CES5A: variants seen among roughly 807,000 people sequenced by gnomAD.
CES5A encodes the protein carboxylesterase 5.
In CES5A, 67 loss-of-function variants were observed where a neutral mutation model predicts 62.9. The observed-to-expected ratio is 1.07, with a 90% CI of 0.88 to 1.31. The LOEUF (loss-of-function observed/expected upper bound fraction) is 1.31, where lower values mean the gene tolerates loss of function less well. Among genes scored for constraint, CES5A ranks in the 50% most tolerant of loss-of-function variants. The pLI is 0.00. For synonymous variants in CES5A, 296 were observed against 280.8 expected, an observed-to-expected ratio of 1.05 and a Z score of -0.54; for missense variants, 748 against 708.5, an observed-to-expected ratio of 1.06 and a Z score of -0.63.
chr16:55,950,179 T>C (rs1015687761), intron 1 of CES5A, among the ~76,000 whole-genome samples: 18 of 152,022 alleles, frequency 1.2e-4, no homozygotes, highest in African/African-American at 4.1e-4. Context: ...AGCACCAATG[T>C]CCAAGGCAGC....
At chr16:55,850,155 T>A (rs1172361907) in intron 10 of CES5A, among the ~76,000 whole-genome samples, 1 of 152,260 alleles carries the variant, frequency 6.6e-6, no homozygotes, top group Non-Finnish European at 1.5e-5. Flanking sequence ...ATAATTGTAC[T>A]ATGAATATTT....
chr16:55,850,273 G>A (rs748348676), intron 10 of CES5A, among the ~76,000 whole-genome samples: 7 of 152,042 alleles, frequency 4.6e-5, no homozygotes, highest in South Asian at 2.1e-4. Context: ...ATAATTCAGC[G>A]GTTTTTAGTA....
chr16:55,875,057 G>A, intron 1 of CES5A, 92 bp downstream of exon 1: 1 of 1,295,850 alleles, frequency 7.7e-7, no homozygotes, highest in Non-Finnish European at 1.1e-6. Context: ...CTGGCCCTCA[G>A]AGACCTCTGA....
intron 2 of CES5A, among the ~76,000 whole-genome samples, chr16:55,948,331 A>G (rs1232437587): frequency 6.6e-6 from 1 of 152,222 alleles, no homozygotes; most frequent in Non-Finnish European, 1.5e-5. Context: ...CACATGTTTC[A>G]TGTGAAAAGG....
intron 2 of CES5A, among the ~76,000 whole-genome samples, chr16:55,945,067 G>A (rs760337297): frequency 6.6e-6 from 1 of 152,132 alleles, no homozygotes; most frequent in Non-Finnish European, 1.5e-5. Flanking sequence ...TTAATAATAG[G>A]CTTGTTTTAT....
At chr16:55,909,953 T>A (rs1356423560) in intron 1 of CES5A, among the ~76,000 whole-genome samples, 3 of 152,216 alleles carry the variant, frequency 2.0e-5, no homozygotes, top group Non-Finnish European at 4.4e-5. Context: ...ATTGCCTGCA[T>A]GAGTGCCCAG....
upstream of CES5A, among the ~76,000 whole-genome samples, chr16:55,875,592 A>AAGAC: frequency 6.6e-6 from 1 of 152,346 alleles, no homozygotes; most frequent in Admixed American, 6.5e-5. Flanking sequence ...TGATGCCAGA[A>AAGAC]AGACACAGTG....
At chr16:55,954,678 C>T (rs183056150) in intron 1 of CES5A, among the ~76,000 whole-genome samples, 1 of 152,284 alleles carries the variant, frequency 6.6e-6, no homozygotes, top group Admixed American at 6.5e-5. Flanking sequence ...CCTCAGCCAG[C>T]CACAGTCCTG....
At chr16:55,923,043 T>C (rs1231114554) in intron 1 of CES5A, among the ~76,000 whole-genome samples, 2 of 151,394 alleles carry the variant, frequency 1.3e-5, no homozygotes, top group African/African-American at 4.8e-5. Context: ...AAAGTAGTAA[T>C]AAGAGAGGAG....
Position 55,869,678 on chromosome 16 carries a change from G to A in CES5A, c.484C>T (p.Leu162=), listed in dbSNP as rs753366410. The stretch of plus-strand genomic sequence containing the variant: ...ACCAGCACGTCCTCATAGGCAGCCA[G>A]GGCGGACCCATCAAAGATGGAGGCT... The part of the protein sequence containing the change: ...GSASIFDGSA[L]AAYEDVLVVV... The change falls in exon 4 of 13, where the codon CTG becomes TTG. Residue 162 remains leucine, a synonymous_variant. Coordinates refer to ENST00000290567, the MANE Select transcript of CES5A (RefSeq NM_001143685.2). 16 of 1,610,792 alleles carry A rather than the reference G, an allele frequency of 9.9e-6. No homozygotes were observed. The highest frequency in any genetic ancestry group is 1.4e-5 in the Non-Finnish European group (16 of 1,177,450).
At position 55,902,102 on chromosome 16, in the gene CES5A, G is replaced by A. The variant is rs577439778; in HGVS notation, c.-256+23221C>T. Among the ~76,000 whole-genome samples the A allele has an allele frequency of 1.7e-3, 258 of 152,180 alleles. 1 individual carries two copies. Among genetic ancestry groups the A allele is most frequent in the African/African-American group, 5.7e-3 (236 of 41,494 alleles). On this transcript the variant is annotated intron_variant, in intron 1 of 12. Coordinates refer to the CES5A transcript ENST00000518005. Reference sequence around the variant, plus strand: ...TGAATACTGCTTTGATCCTTCTGCCGAAAGCCACCAAAGATTTTCCATGTC... The same window carrying A: ...TGAATACTGCTTTGATCCTTCTGCCAAAAGCCACCAAAGATTTTCCATGTC...
intron 5 of CES5A, among the ~76,000 whole-genome samples, chr16:55,865,730 A>G (rs1301529334): frequency 6.6e-6 from 1 of 152,210 alleles, no homozygotes; most frequent in Non-Finnish European, 1.5e-5. Context: ...TCCTCAAATT[A>G]TTACTCACTA....
At chr16:55,885,566 A>G (rs1221245558) in intron 1 of CES5A, among the ~76,000 whole-genome samples, 1 of 152,128 alleles carries the variant, frequency 6.6e-6, no homozygotes, top group Admixed American at 6.5e-5. Context: ...TGAAGACTAA[A>G]GAAGGTCCAG....
upstream of CES5A, chr16:55,875,456 G>A: frequency 9.7e-7 from 1 of 1,034,234 alleles, no homozygotes; most frequent in East Asian, 3.1e-5. Context: ...GCTGGGGAAA[G>A]ATAATTTGAT....
chr16:55,884,622 C>T (rs576930652), intron 1 of CES5A, among the ~76,000 whole-genome samples: 14 of 152,086 alleles, frequency 9.2e-5, no homozygotes, highest in African/African-American at 3.1e-4. Context: ...GACAGGGTCT[C>T]GCTGTGTTGC....
chr16:55,919,893 G>A (rs1051599643), intron 1 of CES5A, among the ~76,000 whole-genome samples: 1 of 152,098 alleles, frequency 6.6e-6, no homozygotes, highest in Admixed American at 6.5e-5. Context: ...CCTTCCAGGA[G>A]TCCTGAAAGG....
chr16:55,855,733 C>G (rs751656290), intron 9 of CES5A, among the ~76,000 whole-genome samples: 24 of 152,100 alleles, frequency 1.6e-4, no homozygotes, highest in Non-Finnish European at 3.1e-4. Context: ...AGGTCTGGTT[C>G]GGCTGCTGGG....
chr16:55,938,711 G>C lies in CES5A; in HGVS notation c.160+11074C>G, dbSNP rs147160800. On this transcript the variant is annotated intron_variant, in intron 2 of 13. Transcript: ENST00000521992. ...AGACCATGCCACTGCACTCCAGCCT[G>C]GGGGAGAGAGTGAGACTCCATCTCA... Among the ~76,000 whole-genome samples, 3 of 115,428 alleles carry C rather than the reference G, an allele frequency of 2.6e-5. No homozygotes were observed. In the South Asian group the frequency reaches 1.0e-3, roughly 39 times the overall value. The allele number at this position is 115,428 out of a possible 152,430, so 75.7% of individuals were successfully genotyped here.
At chr16:55,910,668 A>G (rs1197619711) in intron 1 of CES5A, among the ~76,000 whole-genome samples, 1 of 152,214 alleles carries the variant, frequency 6.6e-6, no homozygotes, top group Non-Finnish European at 1.5e-5. Flanking sequence ...ATTAGGGGGA[A>G]AGCTAAGCTG....
Sources: allele counts gnomAD v4.1 joint callset (sites outside exome capture counted in the v4.1 genomes callset), GRCh38; gene constraint gnomAD v4.1.1; transcripts MANE v1.5; gene names NCBI Gene and HGNC (gene_info 2026-07-23, HGNC 2026-07-21).